Variants in ANK3 observed in about 807,000 individuals in gnomAD.
ANK3 encodes the protein ankyrin-3.
Under a neutral mutation model 370.9 loss-of-function variants are expected in ANK3, and 57 were observed. The observed-to-expected ratio is 0.15, with a 90% CI of 0.12 to 0.19. The LOEUF is 0.19. Ranked by LOEUF, ANK3 falls within the 10% of genes least tolerant of loss-of-function variation. The pLI is 1.00. For synonymous variants in ANK3, 1,929 were observed against 1,946.3 expected, an observed-to-expected ratio of 0.99 and a Z score of 0.23; for missense variants, 4,439 against 5,302.1, an observed-to-expected ratio of 0.84 and a Z score of 5.06.
chr10:60,500,314 C>A (rs2075765080), intron 2 of ANK3, among the ~76,000 whole-genome samples: 1 of 152,114 alleles, frequency 6.6e-6, no homozygotes, highest in South Asian at 2.1e-4. Flanking sequence ...ACACTTTAAG[C>A]AACTGTCAAT....
chr10:60,284,715 A>G (rs1412272914), intron 1 of ANK3, among the ~76,000 whole-genome samples: 3 of 152,116 alleles, frequency 2.0e-5, no homozygotes, highest in African/African-American at 7.2e-5. Context: ...TCAGGCTAAC[A>G]GTGGATCACC....
intron 8 of ANK3, among the ~76,000 whole-genome samples, chr10:60,225,048 G>A (rs1265629328): frequency 6.6e-6 from 1 of 151,746 alleles, no homozygotes; most frequent in Non-Finnish European, 1.5e-5. Context: ...CAAGTAGCTG[G>A]GATTACAGGC....
At chr10:60,036,950 C>G (rs1338514287) in intron 43 of ANK3, among the ~76,000 whole-genome samples, 1 of 152,156 alleles carries the variant, frequency 6.6e-6, no homozygotes, top group African/African-American at 2.4e-5. Context: ...ACTTGGATGT[C>G]TCATAGCATT....
chr10:60,183,787 G>T (rs925662022), intron 17 of ANK3, among the ~76,000 whole-genome samples: 6 of 151,856 alleles, frequency 4.0e-5, no homozygotes, highest in Non-Finnish European at 5.9e-5. Flanking sequence ...ACACCCTGGA[G>T]GCGGAGGTTG....
intron 8 of ANK3, among the ~76,000 whole-genome samples, chr10:60,227,558 G>A (rs369649655): frequency 1.3e-4 from 20 of 152,132 alleles, no homozygotes; most frequent in Middle Eastern, 3.4e-3. Flanking sequence ...AGATTTAGTC[G>A]ACTTGCTATT....
chr10:60,635,707 CAA>C (rs3048271), intron 1 of ANK3, among the ~76,000 whole-genome samples: 101,292 of 148,826 alleles, frequency 0.68, 34,242 homozygotes, highest in South Asian at 0.82. Flanking sequence ...CTGGATATTA[CAA>C]AAAAAAAAAA....
At chr10:60,685,376 GA>G (rs2079254199) in intron 1 of ANK3, among the ~76,000 whole-genome samples, 1 of 151,742 alleles carries the variant, frequency 6.6e-6, no homozygotes, top group African/African-American at 2.4e-5. Context: ...TGAAGTTAGT[GA>G]AATAAAACTC....
chr10:60,370,949 C>G (rs1413468952), intron 1 of ANK3, among the ~76,000 whole-genome samples: 1 of 152,106 alleles, frequency 6.6e-6, no homozygotes, highest in Non-Finnish European at 1.5e-5. Flanking sequence ...TAAGTGGAAA[C>G]CAATCCCTGT....
intron 2 of ANK3, among the ~76,000 whole-genome samples, chr10:60,405,674 C>T (rs946214885): frequency 1.1e-4 from 17 of 152,040 alleles, no homozygotes; most frequent in African/African-American, 3.9e-4. Context: ...TAAATACCTC[C>T]AATTAATGAC....
chr10:60,556,158 A>G (rs538558557), intron 2 of ANK3, among the ~76,000 whole-genome samples: 7 of 152,318 alleles, frequency 4.6e-5, no homozygotes, highest in African/African-American at 1.7e-4. Flanking sequence ...GAAAATGATA[A>G]TTACATACTA....
chr10:60,369,797 ATC>A (rs2059869205), intron 1 of ANK3, among the ~76,000 whole-genome samples: 1 of 152,190 alleles, frequency 6.6e-6, no homozygotes, highest in South Asian at 2.1e-4. Flanking sequence ...CACGTTAGAT[ATC>A]TGTTTATTTA....
intron 1 of ANK3, among the ~76,000 whole-genome samples, chr10:60,359,988 A>G (rs1566832504): frequency 1.3e-5 from 2 of 152,364 alleles, no homozygotes; most frequent in East Asian, 3.9e-4. Context: ...ATTTGGCATC[A>G]GTACTCTCCA....
intron 2 of ANK3, among the ~76,000 whole-genome samples, chr10:60,465,264 C>CA (rs71973539): frequency 0.032 from 4,468 of 139,182 alleles, 179 homozygotes; most frequent in African/African-American, 0.1. Context: ...ACCTAGTCAC[C>CA]AAAAAAAAAA....
chr10:60,348,558 C>G (rs1346191076), intron 1 of ANK3, among the ~76,000 whole-genome samples: 1 of 152,072 alleles, frequency 6.6e-6, no homozygotes, highest in Non-Finnish European at 1.5e-5. Context: ...TTCTATTAGC[C>G]TCAGGCTTCC....
chr10:60,184,505 T>C (rs1254860258), intron 17 of ANK3, among the ~76,000 whole-genome samples: 8 of 152,246 alleles, frequency 5.3e-5, no homozygotes, highest in Admixed American at 6.5e-5. Flanking sequence ...AAGTTCAACA[T>C]GCTAATGGAA....
rs531754265 is a variant in ANK3, at chr10:60,145,787, C to G, written c.2615-6700G>C. On this transcript the variant is annotated intron_variant, in intron 23 of 43. Transcript: ENST00000280772. ...TATTGAATGAATATTACAAGAAATT[C>G]GTAATCAAAATGTAAGCTCCTTGAG... Among the ~76,000 whole-genome samples the G allele has an allele frequency of 5.3e-5, 8 of 152,218 alleles. No individual in the cohort carries two copies. In the South Asian group the frequency reaches 1.7e-3, roughly 32 times the overall value.
intron 25 of ANK3, 71 bp from the exon 26 acceptor site, chr10:60,114,402 A>G: frequency 1.5e-6 from 1 of 689,322 alleles, no homozygotes; most frequent in Non-Finnish European, 2.4e-6. Context: ...CACATATAAA[A>G]TATATTTGTA....
intron 1 of ANK3, among the ~76,000 whole-genome samples, chr10:60,677,667 GCA>G (rs974677473): frequency 1.6e-4 from 24 of 151,560 alleles, no homozygotes; most frequent in African/African-American, 5.8e-4. Context: ...AACGATAAAA[GCA>G]CTGGCTTTTT....
At chr10:60,262,646 T>C (rs1480774202) in intron 6 of ANK3, among the ~76,000 whole-genome samples, 2 of 152,228 alleles carry the variant, frequency 1.3e-5, no homozygotes, top group African/African-American at 4.8e-5. Flanking sequence ...GTTAGCAAGC[T>C]TCTTAGCCAT....
Sources: gnomAD v4.1 joint callset for allele counts (sites outside exome capture counted in the v4.1 genomes callset) on GRCh38, gnomAD v4.1.1 for gene constraint, MANE v1.5 for transcripts, NCBI Gene and HGNC (gene_info 2026-07-23, HGNC 2026-07-21) for gene names.